MRPS6: variants seen among roughly 807,000 people sequenced by gnomAD.
MRPS6 encodes the protein small ribosomal subunit protein bS6m.
Under a neutral mutation model 13.1 loss-of-function variants are expected in MRPS6, and 6 were observed. The observed-to-expected ratio is 0.46, with a 90% CI of 0.25 to 0.91. MRPS6 has a LOEUF of 0.91. Ranked by LOEUF, MRPS6 falls within the 40% of genes least tolerant of loss-of-function variation. The probability of loss-of-function intolerance (pLI) is 0.18; values close to 1 mark genes in which losing one functional copy is unlikely to be tolerated. For missense variants in MRPS6, 164 were observed against 155.6 expected (o/e 1.05, Z -0.29); for synonymous variants, 61 against 56.5 (o/e 1.08, Z -0.36).
intron 1 of MRPS6, chr21:34,100,049 T>A (rs1979164047): frequency 1.0e-6 from 1 of 988,986 alleles, no homozygotes; most frequent in Non-Finnish European, 1.2e-6. Context: ...TCCTAAATGA[T>A]GACATTGGTC....
chr21:34,116,176 TTTTG>T (rs943031298), intron 1 of MRPS6, among the ~76,000 whole-genome samples: 34 of 81,264 alleles, frequency 4.2e-4, no homozygotes, highest in African/African-American at 1.3e-3. Flanking sequence ...GCCCAGCTAA[TTTTG>T]TGTGTGTGTG....
chr21:34,141,997 A>AAAGT (rs1428373198), intron 2 of MRPS6, among the ~76,000 whole-genome samples: 3 of 152,216 alleles, frequency 2.0e-5, no homozygotes, highest in African/African-American at 7.2e-5. Flanking sequence ...AATCCTTTGA[A>AAAGT]AAGTTAGAAG....
chr21:34,107,111 T>G (rs760294361), intron 1 of MRPS6, among the ~76,000 whole-genome samples: 1 of 152,180 alleles, frequency 6.6e-6, no homozygotes, highest in Non-Finnish European at 1.5e-5. Context: ...TTTGTACTTT[T>G]AGTAGAGATA....
At chr21:34,086,013 TC>T (rs1339627459) in intron 1 of MRPS6, among the ~76,000 whole-genome samples, 1 of 152,184 alleles carries the variant, frequency 6.6e-6, no homozygotes, top group East Asian at 1.9e-4. Context: ...TGTCTACAGT[TC>T]TGGTTGACTC....
intron 1 of MRPS6, among the ~76,000 whole-genome samples, chr21:34,083,847 T>G (rs1430615460): frequency 6.6e-6 from 1 of 152,204 alleles, no homozygotes; most frequent in Non-Finnish European, 1.5e-5. Context: ...GTCACTGTCT[T>G]GAGTATTTTA....
chr21:34,102,660 T>A (rs1209502381), intron 1 of MRPS6: 1 of 1,000,034 alleles, frequency 1.0e-6, no homozygotes, highest in Non-Finnish European at 1.2e-6. Flanking sequence ...ACAGCTTGCT[T>A]GAAGAGAAAG....
intron 1 of MRPS6, among the ~76,000 whole-genome samples, chr21:34,115,964 A>G (rs1157474952): frequency 4.2e-5 from 6 of 142,480 alleles, no homozygotes; most frequent in African/African-American, 1.3e-4. Context: ...CTCCATGCTG[A>G]TTTTATTTTA....
Position 34,099,783 on chromosome 21 carries a change from A to G in MRPS6, c.46-25558A>G, listed in dbSNP as rs1979151198. ...AGTCTGTAAATAAGGAATGACTATT[A>G]GCATATTCATTAGAATTGTTTATTC... On this transcript the variant is annotated intron_variant, in intron 1 of 2. Coordinates refer to ENST00000399312, the MANE Select transcript of MRPS6 (RefSeq NM_032476.4). 4 of 816,614 alleles carry G rather than the reference A, an allele frequency of 4.9e-6. No homozygotes were observed. In the South Asian group the frequency reaches 1.7e-4, roughly 35 times the overall value. 50.6% of individuals were successfully genotyped at this position (816,614 alleles called of 1,614,324 possible).
In MRPS6 at chr21:34,142,482, A is replaced by C. The variant is rs745309693; in HGVS notation, c.260A>C (p.Asp87Ala). 6.2e-7 allele frequency: 1 copy of C among 1,613,152 alleles called. No homozygotes were observed. The highest frequency in any genetic ancestry group is 8.5e-7 in the Non-Finnish European group (1 of 1,179,620). The change falls in exon 3 of 3, where the codon GAT becomes GCT. Residue 87 changes from aspartate (D) to alanine (A), a missense_variant. Physicochemically the swap from Asp to Ala is moderately radical, Grantham distance 126. Coordinates refer to ENST00000399312, the MANE Select transcript of MRPS6 (RefSeq NM_032476.4). The part of the protein sequence containing the change: ...SMVEHLSRDI[D>A]VIRGNIVKHP... The stretch of plus-strand genomic sequence containing the variant: ...GTGGAGCACTTGTCTCGAGATATAG[A>C]TGTGATTAGAGGGAATATTGTCAAA...
chr21:34,105,040 T>G lies in MRPS6; in HGVS notation c.46-20301T>G, dbSNP rs528280500. On this transcript the variant is annotated intron_variant, in intron 1 of 2. Coordinates refer to ENST00000399312, the MANE Select transcript of MRPS6 (RefSeq NM_032476.4). The stretch of plus-strand genomic sequence containing the variant: ...ACTTTTGAGTGGCAAACAGATCAAG[T>G]CTTTTGCTCATAGACTTTTCTGTGG... 454 of 1,000,072 alleles carry G rather than the reference T, an allele frequency of 4.5e-4. 10 individuals are homozygous for G. The South Asian group carries it at 0.018, about 39-fold the overall frequency. 61.9% of individuals were successfully genotyped at this position (1,000,072 alleles called of 1,614,324 possible). A position where few individuals can be genotyped will look rare whatever the true frequency, so the allele number is the denominator to read the frequency against.
intron 1 of MRPS6, among the ~76,000 whole-genome samples, chr21:34,116,502 T>TC (rs1472742595): frequency 6.6e-6 from 1 of 152,024 alleles, no homozygotes; most frequent in Non-Finnish European, 1.5e-5. Flanking sequence ...AGATTTCCAT[T>TC]CATTCACTAT....
chr21:34,139,140 A>G (rs1980813069), intron 2 of MRPS6, among the ~76,000 whole-genome samples: 1 of 140,186 alleles, frequency 7.1e-6, no homozygotes, highest in African/African-American at 2.7e-5. Flanking sequence ...GAACATTGAG[A>G]ACACATGGAC....
intron 1 of MRPS6, among the ~76,000 whole-genome samples, chr21:34,081,385 T>G (rs1158942356): frequency 6.6e-6 from 1 of 152,206 alleles, no homozygotes; most frequent in Non-Finnish European, 1.5e-5. Flanking sequence ...ATAAAATACT[T>G]AAGGTACGTA....
chr21:34,136,569 T>C (rs1006023163), intron 2 of MRPS6, among the ~76,000 whole-genome samples: 2 of 152,236 alleles, frequency 1.3e-5, no homozygotes, highest in Non-Finnish European at 2.9e-5. Context: ...CTAATGGCTT[T>C]AGGCATCTTT....
At chr21:34,110,900 A>G (rs1253643937) in intron 1 of MRPS6, among the ~76,000 whole-genome samples, 1 of 152,176 alleles carries the variant, frequency 6.6e-6, no homozygotes, top group Admixed American at 6.5e-5. Flanking sequence ...TTTTCTTCCT[A>G]AGGCACATCA....
chr21:34,135,122 T>G (rs1980643565), intron 2 of MRPS6, among the ~76,000 whole-genome samples: 1 of 152,352 alleles, frequency 6.6e-6, no homozygotes, highest in South Asian at 2.1e-4. Flanking sequence ...TTCACTCCTT[T>G]TCATTGCTGA....
chr21:34,140,079 A>G (rs1197702165), intron 2 of MRPS6, among the ~76,000 whole-genome samples: 1 of 151,896 alleles, frequency 6.6e-6, no homozygotes, highest in African/African-American at 2.4e-5. Context: ...TCCATGAACT[A>G]GTGTTTGGTT....
At chr21:34,074,641 A>C (rs1212134555) in intron 1 of MRPS6, among the ~76,000 whole-genome samples, 1 of 152,156 alleles carries the variant, frequency 6.6e-6, no homozygotes, top group Admixed American at 6.5e-5. Context: ...TCTCCCGTGA[A>C]TTCGGAATTC....
intron 1 of MRPS6, among the ~76,000 whole-genome samples, chr21:34,078,506 C>T (rs1263801639): frequency 6.6e-6 from 1 of 151,974 alleles, no homozygotes; most frequent in Non-Finnish European, 1.5e-5. Flanking sequence ...TCATGACTCA[C>T]ACATTCAATA....
Sources: allele counts gnomAD v4.1 joint callset (sites outside exome capture counted in the v4.1 genomes callset), GRCh38; gene constraint gnomAD v4.1.1; transcripts MANE v1.5; gene names NCBI Gene and HGNC (gene_info 2026-07-23, HGNC 2026-07-21).